The following SHC2 variants were observed in gnomAD, a reference collection of about 807,000 sequenced individuals.
SHC2 encodes the protein SHC adaptor protein 2.
Under a neutral mutation model 60.6 loss-of-function variants are expected in SHC2, and 62 were observed. That is an observed-to-expected ratio of 1.02 (90% confidence interval 0.83 to 1.26). The LOEUF is 1.26. Ranked by LOEUF, SHC2 falls within the 50% of genes most tolerant of loss-of-function variation. The pLI is 0.00. For synonymous variants in SHC2, 375 were observed against 372.4 expected (o/e 1.01, Z -0.08); for missense variants, 873 against 822.2 (o/e 1.06, Z -0.76).
Position 436,277 on chromosome 19 carries a change from C to T in SHC2, c.841G>A (p.Glu281Lys). 1.9e-6 allele frequency: 3 copies of T among 1,594,344 alleles called. No individual in the cohort carries two copies. Among genetic ancestry groups the T allele is most frequent in the Non-Finnish European group, 1.7e-6 (2 of 1,171,304 alleles). ...CTCTGTGCCAGGCCCTCACAGCACT[C>T]CAGGATGTGGCAGGCTGCGGGCACG... ...PINQRACHIL[E>K]CCEGLAQSII... is the part of the protein sequence containing the mutation. The change falls in exon 7 of 13, where the codon GAG (glutamate) becomes AAG (lysine). Residue 281 changes from glutamate to lysine, a missense_variant. Physicochemically the swap from Glu to Lys is moderately conservative, Grantham distance 56. Transcript: ENST00000264554.
Position 422,520 on chromosome 19 carries a change from G to A in SHC2, c.1310-64C>T. 7.2e-7 allele frequency: 1 copy of A among 1,381,464 alleles called. No homozygotes were observed. The highest frequency in any genetic ancestry group is 9.7e-7 in the Non-Finnish European group (1 of 1,035,344). 85.6% of individuals were successfully genotyped at this position (1,381,464 alleles called of 1,614,324 possible). On this transcript the variant is annotated intron_variant, in intron 10 of 12. Transcript: ENST00000264554. The surrounding 1 kb of genome is among the most constrained non-coding windows in gnomAD (Gnocchi z 5.0). ...CAAGCAGCTACTCCTGCCGGGACCA[G>A]AGCTGGGAGAAACGGGTTCCCCGGG...
rs377169131 is a variant in SHC2 at position 436,648 on chromosome 19, G to A, written c.756C>T (p.Phe252=). ...GCCTCACCGTGTCTCCGCCTGACGC[G>A]AAGGAGATGGACGGCATGTGGTGGT... ...IANHHMPSIS[F]ASGGDTDMTD... The change falls in exon 5 of 13, where the codon TTC becomes TTT. Residue 252 remains phenylalanine, a synonymous_variant. Transcript: ENST00000264554. 1.2e-5 allele frequency: 20 copies of A among 1,607,452 alleles called. No individual in the cohort carries two copies. Among genetic ancestry groups the A allele is most frequent in the Admixed American group, 6.7e-5 (4 of 59,690 alleles).
intron 11 of SHC2, among the ~76,000 whole-genome samples, chr19:420,949 C>A (rs954844458): frequency 6.6e-6 from 1 of 151,908 alleles, no homozygotes; most frequent in Non-Finnish European, 1.5e-5. Context: ...ACTCGGGAGG[C>A]TGAGGCAGGA....
At position 444,247 on chromosome 19, in the gene SHC2, G is replaced by A. The variant is rs889001564; in HGVS notation, c.469-3315C>T. On this transcript the variant is annotated intron_variant, in intron 1 of 12. Coordinates refer to ENST00000264554, the MANE Select transcript of SHC2 (RefSeq NM_012435.3). ...TGTAGTAGACAGGTCATACCTAAAG[G>A]AATTAGCCATGGTCCCTGTCCCTAG... 7.9e-5 allele frequency among the ~76,000 whole-genome samples: 12 copies of A among 152,200 alleles called. No individual in the cohort carries two copies. The East Asian group carries it at 2.3e-3, about 29-fold the overall frequency.
rs996522743 is a variant in SHC2 at position 416,859 on chromosome 19, C to T, written c.*469G>A. The T allele has an allele frequency of 6.6e-6, 1 of 152,474 alleles. No homozygotes were observed. Among genetic ancestry groups the T allele is most frequent in the Non-Finnish European group, 1.5e-5 (1 of 68,154 alleles). 9.4% of individuals were successfully genotyped at this position (152,474 alleles called of 1,614,324 possible). A position where few individuals can be genotyped will look rare whatever the true frequency, so the allele number is the denominator to read the frequency against. ...ATCCTGGCCTGAGAACCCCAAAGCA[C>T]CTTAAGCGTCCCCCCTCAAAGACAA... On this transcript the variant is annotated 3_prime_UTR_variant, in exon 13 of 13. Coordinates refer to ENST00000264554, the MANE Select transcript of SHC2 (RefSeq NM_012435.3).
chr19:457,112 A>G (rs963422612), intron 1 of SHC2, among the ~76,000 whole-genome samples: 5 of 142,592 alleles, frequency 3.5e-5, no homozygotes, highest in Non-Finnish European at 7.8e-5. Context: ...TTGCACCTGC[A>G]CCTGCTGTGC....
intron 11 of SHC2, among the ~76,000 whole-genome samples, chr19:420,781 G>T (rs934860024): frequency 2.0e-5 from 3 of 152,244 alleles, no homozygotes; most frequent in Non-Finnish European, 4.4e-5. Flanking sequence ...GCCGGGCGCG[G>T]TGGCTCACGC....
At chr19:459,962 G>T (rs1975499324) in intron 1 of SHC2, among the ~76,000 whole-genome samples, 1 of 152,184 alleles carries the variant, frequency 6.6e-6, no homozygotes, top group South Asian at 2.1e-4. Flanking sequence ...AGGTGGAGGC[G>T]TGCTGTGTCC....
chr19:442,595 A>G (rs1341233106), intron 1 of SHC2, among the ~76,000 whole-genome samples: 1 of 3,246 alleles, frequency 3.1e-4, no homozygotes, highest in East Asian at 9.8e-3. Flanking sequence ...GGGTGGGTGG[A>G]TGGACGGGTG....
Position 424,300 on chromosome 19 carries a change from G to A in SHC2, c.1309+797C>T, listed in dbSNP as rs889639029. Among the ~76,000 whole-genome samples, 9 of 152,224 alleles carry A rather than the reference G, an allele frequency of 5.9e-5. No individual in the cohort carries two copies. The highest frequency in any genetic ancestry group is 4.1e-4 in the South Asian group (2 of 4,826). Reference sequence around the variant, plus strand: ...AAGGAACGGGCTCACCGTCAGACTAGCCACTTTGTCCAGAGGTGGACTAAG... The same window carrying A: ...AAGGAACGGGCTCACCGTCAGACTAACCACTTTGTCCAGAGGTGGACTAAG... On this transcript the variant is annotated intron_variant, in intron 10 of 12. Transcript: ENST00000264554. The surrounding 1 kb of genome is among the most constrained non-coding windows in gnomAD (Gnocchi z 4.5).
rs898889295 is a variant in SHC2, at chr19:453,989, C to T, written c.468+6540G>A. Among the ~76,000 whole-genome samples the T allele has an allele frequency of 2.0e-5, 3 of 152,212 alleles. No individual in the cohort carries two copies. ...CGGGGTCGGTGTCCACAGACCTTGG[C>T]ACGAACTCTGGCCTCTCCAGGAGAC... On this transcript the variant is annotated intron_variant, in intron 1 of 12. Transcript: ENST00000264554. This position sits in a 1 kb window ranked among gnomAD's most constrained non-coding sequence, Gnocchi z 6.3.
chr19:422,824 G>T lies in SHC2; in HGVS notation c.1310-368C>A, dbSNP rs967468195. On this transcript the variant is annotated intron_variant, in intron 10 of 12. Coordinates refer to ENST00000264554, the MANE Select transcript of SHC2 (RefSeq NM_012435.3). This position sits in a 1 kb window ranked among gnomAD's most constrained non-coding sequence, Gnocchi z 5.0. Reference sequence around the variant, plus strand: ...TGTCTGGTCTTACTGCATTGGCCGCGGGGCCTCCAATGTGCCCTAAATACT... The same window carrying T: ...TGTCTGGTCTTACTGCATTGGCCGCTGGGCCTCCAATGTGCCCTAAATACT... The T allele has an allele frequency of 1.7e-4, 33 of 194,084 alleles. 1 individual carries two copies. Among genetic ancestry groups the T allele is most frequent in the Non-Finnish European group, 1.0e-5 (1 of 95,784 alleles). 12.0% of individuals were successfully genotyped at this position (194,084 alleles called of 1,614,324 possible).
At chr19:452,132 G>A (rs918095444) in intron 1 of SHC2, among the ~76,000 whole-genome samples, 8 of 152,208 alleles carry the variant, frequency 5.3e-5, no homozygotes, top group Non-Finnish European at 1.0e-4. Flanking sequence ...CCACCATTGC[G>A]TTTCTCCGTT....
rs138970627 is a variant in SHC2 at position 458,100 on chromosome 19, C to T, written c.468+2429G>A. 8.0e-3 allele frequency among the ~76,000 whole-genome samples: 1,024 copies of T among 128,538 alleles called. 13 individuals carry two copies. Among genetic ancestry groups the T allele is most frequent in the African/African-American group, 0.027 (970 of 36,220 alleles). 84.3% of individuals were successfully genotyped at this position (128,538 alleles called of 152,430 possible). On this transcript the variant is annotated intron_variant, in intron 1 of 12. Transcript: ENST00000264554. ...GGTCTTGGGGAGGCGGAAGTGGGTC[C>T]CGGGGAGGCAGAAGCGGGTCTTGGG...
intron 1 of SHC2, among the ~76,000 whole-genome samples, chr19:442,282 T>C (rs953468660): frequency 1.9e-4 from 28 of 144,576 alleles, no homozygotes; most frequent in African/African-American, 6.7e-4. Context: ...GAGTGGATGA[T>C]GGATGGATGG....
Position 453,794 on chromosome 19 carries a change from G to A in SHC2, c.468+6735C>T, listed in dbSNP as rs115892843. ...TCCCAGTTTGCGTCCATCCCCCACCGGGCCTGGGCTCCACGCACCTGGAGC... is the reference window on the plus strand; with the variant it reads ...TCCCAGTTTGCGTCCATCCCCCACCAGGCCTGGGCTCCACGCACCTGGAGC... On this transcript the variant is annotated intron_variant, in intron 1 of 12. Coordinates refer to ENST00000264554, the MANE Select transcript of SHC2 (RefSeq NM_012435.3). The surrounding 1 kb of genome is among the most constrained non-coding windows in gnomAD (Gnocchi z 6.3). Among the ~76,000 whole-genome samples the A allele has an allele frequency of 0.046, 6,991 of 152,224 alleles. 266 individuals are homozygous for A. Among genetic ancestry groups the A allele is most frequent in the African/African-American group, 0.1 (4,201 of 41,522 alleles).
At chr19:430,963 G>A (rs1370547656) in intron 8 of SHC2, among the ~76,000 whole-genome samples, 1 of 152,210 alleles carries the variant, frequency 6.6e-6, no homozygotes, top group African/African-American at 2.4e-5. Context: ...CTCCACCTCG[G>A]AAGGTGGTCA....
chr19:442,898 A>G (rs150698223), intron 1 of SHC2, among the ~76,000 whole-genome samples: 548 of 9,910 alleles, frequency 0.055, 12 homozygotes, highest in East Asian at 0.27. Context: ...TGGGTGGATG[A>G]ATGGATGGAT....
Position 453,909 on chromosome 19 carries a change from C to A in SHC2, c.468+6620G>T, listed in dbSNP as rs950273824. Among the ~76,000 whole-genome samples, 1 of 152,186 alleles carries A rather than the reference C, an allele frequency of 6.6e-6. No individual in the cohort carries two copies. Among genetic ancestry groups the A allele is most frequent in the African/African-American group, 2.4e-5 (1 of 41,454 alleles). ...GCAGAGAGCAGGACGGCCTGACTCACGGGACTTCTGTGTATGGACGAGCCC... is the reference window on the plus strand; with the variant it reads ...GCAGAGAGCAGGACGGCCTGACTCAAGGGACTTCTGTGTATGGACGAGCCC... On this transcript the variant is annotated intron_variant, in intron 1 of 12. Coordinates refer to ENST00000264554, the MANE Select transcript of SHC2 (RefSeq NM_012435.3). The surrounding 1 kb of genome is among the most constrained non-coding windows in gnomAD (Gnocchi z 6.3).
Sources: gnomAD v4.1 joint callset for allele counts (sites outside exome capture counted in the v4.1 genomes callset) on GRCh38, gnomAD v4.1.1 for gene constraint, Gnocchi (gnomAD v3.1) non-coding constraint, MANE v1.5 for transcripts, NCBI Gene and HGNC (gene_info 2026-07-23, HGNC 2026-07-21) for gene names.